The following PMS1 variants were observed in gnomAD, a reference collection of about 807,000 sequenced individuals.
PMS1 encodes the protein PMS1 protein homolog 1.
Under a neutral mutation model 93.1 loss-of-function variants are expected in PMS1, and 79 were observed. The observed-to-expected ratio is 0.85, with a 90% CI of 0.71 to 1.02. The LOEUF is 1.02. Ranked by LOEUF, PMS1 falls within the 50% of genes least tolerant of loss-of-function variation. The probability of loss-of-function intolerance (pLI) is 0.00; values close to 1 mark genes in which losing one functional copy is unlikely to be tolerated. For missense variants in PMS1, 1,064 were observed against 1,085.3 expected (o/e 0.98, Z 0.28); for synonymous variants, 335 against 363.4 (o/e 0.92, Z 0.89).
chr2:189,852,021 C>G (rs1343000257), intron 6 of PMS1, among the ~76,000 whole-genome samples: 5 of 152,068 alleles, frequency 3.3e-5, no homozygotes. Flanking sequence ...TCTCTTTCTT[C>G]TTTATACATT....
rs554847762 is a variant in PMS1 at position 189,805,644 on chromosome 2, T to C, written c.316-8T>C. 4.3e-5 allele frequency: 69 copies of C among 1,609,468 alleles called. No homozygotes were observed. The highest frequency in any genetic ancestry group is 2.7e-4 in the African/African-American group (20 of 74,880). On this transcript the variant is annotated splice_polypyrimidine_tract_variant and splice_region_variant and intron_variant, in intron 3 of 12. Transcript: ENST00000441310. ...GTGTTAGTTTTATTAGATGTTTTTT[T>C]CCCCCAGGTTTTAATTACAACAAGA...
At chr2:189,860,929 A>G (rs2055918847) in intron 9 of PMS1, among the ~76,000 whole-genome samples, 1 of 142,244 alleles carries the variant, frequency 7.0e-6, no homozygotes, top group African/African-American at 2.6e-5. Flanking sequence ...TTTGCATGGT[A>G]TATCTTTTTT....
At chr2:189,843,742 G>A (rs1269625971) in intron 5 of PMS1, among the ~76,000 whole-genome samples, 1 of 152,134 alleles carries the variant, frequency 6.6e-6, no homozygotes, top group Non-Finnish European at 1.5e-5. Flanking sequence ...AGAAAACCAA[G>A]GTAAAGGGAA....
chr2:189,805,903 C>T (rs1465675368), intron 4 of PMS1, 149 bp downstream of exon 4: 1 of 1,530,452 alleles, frequency 6.5e-7, no homozygotes, highest in East Asian at 2.5e-5. Flanking sequence ...AACATTCAGC[C>T]TTTATTCTAG....
intron 11 of PMS1, among the ~76,000 whole-genome samples, chr2:189,872,168 C>T (rs996371138): frequency 2.6e-5 from 4 of 152,136 alleles, no homozygotes; most frequent in Admixed American, 2.0e-4. Flanking sequence ...CTTCATTGAA[C>T]TCTGTATCTC....
chr2:189,836,191 A>G (rs908355741), intron 5 of PMS1, among the ~76,000 whole-genome samples: 1 of 152,250 alleles, frequency 6.6e-6, no homozygotes, highest in Non-Finnish European at 1.5e-5. Context: ...AATATCGAGT[A>G]TTCTCATCTA....
chr2:189,791,213 G>C lies in PMS1; in HGVS notation c.-20-577G>C, dbSNP rs75492913. Reference sequence around the variant, plus strand: ...TTGTTGAAGGACTTGCCTTAGCTCTGCCTCTTAATAACTGGATGACCTTGG... The same window carrying C: ...TTGTTGAAGGACTTGCCTTAGCTCTCCCTCTTAATAACTGGATGACCTTGG... On this transcript the variant is annotated intron_variant, in intron 1 of 12. Coordinates refer to ENST00000441310, the MANE Select transcript of PMS1 (RefSeq NM_000534.5). Among the ~76,000 whole-genome samples the C allele has an allele frequency of 7.6e-3, 1,163 of 152,128 alleles. 12 individuals carry two copies. Among genetic ancestry groups the C allele is most frequent in the Middle Eastern group, 0.031 (9 of 294 alleles).
intron 6 of PMS1, among the ~76,000 whole-genome samples, chr2:189,845,593 C>G (rs2054187613): frequency 6.6e-6 from 1 of 151,792 alleles, no homozygotes. Flanking sequence ...TTCTTAGACC[C>G]CACTTATTTC....
intron 4 of PMS1, among the ~76,000 whole-genome samples, chr2:189,809,598 C>T (rs2050660533): frequency 6.6e-6 from 1 of 152,010 alleles, no homozygotes; most frequent in Non-Finnish European, 1.5e-5. Context: ...GTAATCCCAG[C>T]ACTTTAGGAG....
intron 4 of PMS1, chr2:189,806,645 C>T (rs747466719): frequency 3.7e-4 from 75 of 201,824 alleles, no homozygotes; most frequent in East Asian, 3.8e-4. Flanking sequence ...GATACACCTG[C>T]CTTGGCCTCC....
intron 11 of PMS1, 22 bp downstream of exon 11, chr2:189,867,951 T>C (rs1164314901): frequency 6.3e-7 from 1 of 1,587,900 alleles, no homozygotes; most frequent in East Asian, 2.2e-5. Context: ...TGGTTTAATA[T>C]TTTCTGATGT....
intron 4 of PMS1, among the ~76,000 whole-genome samples, chr2:189,808,102 C>T (rs530090891): frequency 4.6e-5 from 7 of 151,998 alleles, no homozygotes; most frequent in African/African-American, 1.7e-4. Context: ...ATATTTTCTG[C>T]GTAAGATAAA....
At chr2:189,875,904 C>G (rs2057518319) in intron 12 of PMS1, among the ~76,000 whole-genome samples, 1 of 135,672 alleles carries the variant, frequency 7.4e-6, no homozygotes, top group Admixed American at 8.1e-5. Context: ...TTGGAGTGAG[C>G]TGAGGACGCA....
In PMS1 at chr2:189,860,800, A is replaced by ATTTTTTTTTTT. The variant is rs1158514130; in HGVS notation, c.1857-2914_1857-2904dup. Among the ~76,000 whole-genome samples, 3 of 41,028 alleles carry ATTTTTTTTTTT rather than the reference A, an allele frequency of 7.3e-5. 1 individual carries two copies. The highest frequency in any genetic ancestry group is 1.4e-4 in the Non-Finnish European group (3 of 21,488). The allele number at this position is 41,028 out of a possible 152,430, so 26.9% of individuals were successfully genotyped here. A position where few individuals can be genotyped will look rare whatever the true frequency, so the allele number is the denominator to read the frequency against. On this transcript the variant is annotated intron_variant, in intron 9 of 12. Coordinates refer to ENST00000441310, the MANE Select transcript of PMS1 (RefSeq NM_000534.5). ...CTAAAATCTTCTATATCTTTGAGGA[A>ATTTTTTTTTTT]TTTTTTTTTTTTTTTTTTTTTTTTT...
chr2:189,801,918 C>T (rs906746753), intron 3 of PMS1, among the ~76,000 whole-genome samples: 2 of 152,154 alleles, frequency 1.3e-5, no homozygotes, highest in Non-Finnish European at 2.9e-5. Context: ...ATTTCACCTC[C>T]GCATTCTATG....
intron 5 of PMS1, among the ~76,000 whole-genome samples, chr2:189,842,152 C>T (rs2053869131): frequency 6.6e-6 from 1 of 151,900 alleles, no homozygotes; most frequent in Non-Finnish European, 1.5e-5. Context: ...TGTTCTCACA[C>T]TCTTGATTGC....
rs74854604 is a variant in PMS1, at chr2:189,828,706, C to T, written c.582+10526C>T. On this transcript the variant is annotated intron_variant, in intron 5 of 12. Transcript: ENST00000441310. ...AAGTTCACTGTAATAAATAAGCTCA[C>T]AATGCATCTCTGAAGAAACATGCCC... 3.8e-3 allele frequency among the ~76,000 whole-genome samples: 580 copies of T among 152,274 alleles called. 26 individuals carry two copies. In the East Asian group the frequency reaches 0.097, roughly 25 times the overall value.
At chr2:189,874,875 A>G (rs1473476255) in intron 12 of PMS1, among the ~76,000 whole-genome samples, 2 of 152,182 alleles carry the variant, frequency 1.3e-5, no homozygotes, top group African/African-American at 4.8e-5. Flanking sequence ...AGGTTGAGGG[A>G]GCTGTGGGTT....
intron 4 of PMS1, among the ~76,000 whole-genome samples, chr2:189,808,618 A>G (rs775971170): frequency 7.9e-5 from 12 of 152,188 alleles, no homozygotes; most frequent in South Asian, 4.1e-4. Flanking sequence ...GGCGTGAGCC[A>G]CTGTGCCCAG....
Sources: gnomAD v4.1 joint callset for allele counts (sites outside exome capture counted in the v4.1 genomes callset) on GRCh38, gnomAD v4.1.1 for gene constraint, MANE v1.5 for transcripts, NCBI Gene and HGNC (gene_info 2026-07-23, HGNC 2026-07-21) for gene names.